The following ARHGAP25 variants were observed in gnomAD, a reference collection of about 807,000 sequenced individuals.
The protein encoded by ARHGAP25 is rho GTPase-activating protein 25.
In ARHGAP25, 34 loss-of-function variants were observed where a neutral mutation model predicts 71.0. The ratio of observed to expected loss-of-function variants is 0.48; its 90% CI spans 0.36 to 0.64. The LOEUF is 0.64. ARHGAP25 is among the 30% of genes least tolerant of loss of function. ARHGAP25 has a pLI of 0.00. For synonymous variants in ARHGAP25, 282 were observed against 296.5 expected (o/e 0.95, Z 0.50); for missense variants, 706 against 805.1 (o/e 0.88, Z 1.49).
chr2:68,804,404 C>T (rs1352336102), intron 4 of ARHGAP25, among the ~76,000 whole-genome samples: 1 of 152,206 alleles, frequency 6.6e-6, no homozygotes, highest in Non-Finnish European at 1.5e-5. Flanking sequence ...GAGAATTTTC[C>T]TGATGCTATC....
chr2:68,751,225 A>G (rs766435247), intron 1 of ARHGAP25, among the ~76,000 whole-genome samples: 7 of 152,130 alleles, frequency 4.6e-5, no homozygotes, highest in Non-Finnish European at 7.4e-5. Flanking sequence ...CACCCAGCCA[A>G]TGGGGGGTGC....
At chr2:68,725,530 C>G (rs1368694010) in intron 2 of ARHGAP25, among the ~76,000 whole-genome samples, 2 of 152,004 alleles carry the variant, frequency 1.3e-5, no homozygotes, top group African/African-American at 2.4e-5. Flanking sequence ...GGGGCCTCAA[C>G]TGTGTTGACC....
intron 1 of ARHGAP25, among the ~76,000 whole-genome samples, chr2:68,772,609 T>C (rs1677560432): frequency 6.6e-6 from 1 of 152,242 alleles, no homozygotes; most frequent in Non-Finnish European, 1.5e-5. Context: ...CTAGGACAGA[T>C]AAGAGTCCTT....
upstream of ARHGAP25, chr2:68,734,686 T>C (rs1675117959): frequency 6.5e-6 from 1 of 153,152 alleles, no homozygotes; most frequent in Non-Finnish European, 1.5e-5. Flanking sequence ...CCAAAAACCA[T>C]TTTCTCAAGA....
intron 4 of ARHGAP25, among the ~76,000 whole-genome samples, chr2:68,801,209 C>G (rs1043078278): frequency 1.1e-4 from 17 of 152,200 alleles, no homozygotes; most frequent in Non-Finnish European, 1.6e-4. Context: ...GAGAGAATAG[C>G]TTTGACGGAT....
rs547385654 is a variant in ARHGAP25, at chr2:68,724,968, G to A, written c.-18+14270G>A. Among the ~76,000 whole-genome samples, 8 of 152,250 alleles carry A rather than the reference G, an allele frequency of 5.3e-5. No individual in the cohort carries two copies. The East Asian group carries it at 1.2e-3, about 22-fold the overall frequency. On this transcript the variant is annotated intron_variant and NMD_transcript_variant, in intron 2 of 7. Transcript: ENST00000463483. ...AGCCTTTGCTGGTCTATATTGTGTT[G>A]CTTTTCTACAATTTAGAAAAACATC...
chr2:68,751,546 C>T (rs116383006), intron 1 of ARHGAP25, among the ~76,000 whole-genome samples: 41 of 152,328 alleles, frequency 2.7e-4, no homozygotes, highest in Admixed American at 1.2e-3. Flanking sequence ...CAAACGACTT[C>T]AGAATGGCTT....
At chr2:68,752,900 T>G (rs1489822164) in intron 1 of ARHGAP25, among the ~76,000 whole-genome samples, 2 of 152,112 alleles carry the variant, frequency 1.3e-5, no homozygotes, top group Non-Finnish European at 2.9e-5. Context: ...GAGAGAGAGA[T>G]ATCAGGGATT....
chr2:68,738,663 T>C (rs1054787224), intron 1 of ARHGAP25, among the ~76,000 whole-genome samples: 1 of 151,784 alleles, frequency 6.6e-6, no homozygotes, highest in Non-Finnish European at 1.5e-5. Context: ...CTGCTAAAAA[T>C]ACAAAAAATT....
chr2:68,804,157 A>G (rs1219068468), intron 4 of ARHGAP25, among the ~76,000 whole-genome samples: 4 of 152,220 alleles, frequency 2.6e-5, no homozygotes, highest in African/African-American at 9.6e-5. Flanking sequence ...AACTAGACAT[A>G]TATTAAGGTG....
At chr2:68,805,714 G>A (rs1028411324) in intron 4 of ARHGAP25, among the ~76,000 whole-genome samples, 2 of 152,112 alleles carry the variant, frequency 1.3e-5, no homozygotes, top group Non-Finnish European at 2.9e-5. Context: ...GAACATGAGG[G>A]TCAAGAGCCT....
intron 7 of ARHGAP25, 25 bp downstream of exon 7, chr2:68,816,387 T>G (rs1182289778): frequency 6.3e-7 from 1 of 1,585,756 alleles, no homozygotes; most frequent in Non-Finnish European, 8.7e-7. Context: ...GTATCAACTC[T>G]GCAGTTTTCA....
chr2:68,769,277 ATAATGT>A (rs1357780364), intron 1 of ARHGAP25, among the ~76,000 whole-genome samples: 1 of 152,116 alleles, frequency 6.6e-6, no homozygotes, highest in African/African-American at 2.4e-5. Context: ...TACTATAATA[ATAATGT>A]TAATAATAAT....
At chr2:68,718,528 T>A (rs1356710206) in intron 2 of ARHGAP25, among the ~76,000 whole-genome samples, 1 of 41,660 alleles carries the variant, frequency 2.4e-5, no homozygotes, top group African/African-American at 1.5e-4. Flanking sequence ...AAGAAATATA[T>A]AAGTGTGTGT....
intron 10 of ARHGAP25, among the ~76,000 whole-genome samples, chr2:68,824,436 T>G (rs1681943196): frequency 6.6e-6 from 1 of 152,142 alleles, no homozygotes; most frequent in Admixed American, 6.5e-5. Context: ...AAAAGTAGAT[T>G]TGTAATGAGA....
At chr2:68,725,786 G>T (rs556669096) in intron 2 of ARHGAP25, among the ~76,000 whole-genome samples, 57 of 152,030 alleles carry the variant, frequency 3.7e-4, no homozygotes, top group Admixed American at 1.5e-3. Flanking sequence ...TCCTCCTTTT[G>T]CTGTGAACAC....
At chr2:68,807,971 A>T (rs1680501714) in intron 5 of ARHGAP25, among the ~76,000 whole-genome samples, 1 of 152,162 alleles carries the variant, frequency 6.6e-6, no homozygotes, top group Non-Finnish European at 1.5e-5. Context: ...GTACTACGTG[A>T]TTCTGACTCA....
chr2:68,781,329 G>T (rs550565920), intron 2 of ARHGAP25, among the ~76,000 whole-genome samples: 2 of 152,158 alleles, frequency 1.3e-5, no homozygotes, highest in Admixed American at 6.5e-5. Flanking sequence ...GGCAGAGGTT[G>T]CAATGAGCTG....
chr2:68,793,407 G>A (rs1023618914), intron 4 of ARHGAP25, among the ~76,000 whole-genome samples: 7 of 152,202 alleles, frequency 4.6e-5, no homozygotes, highest in Admixed American at 4.6e-4. Context: ...AGGTTTTACA[G>A]TTTCAGATCT....
Sources: gnomAD v4.1 joint callset for allele counts (sites outside exome capture counted in the v4.1 genomes callset) on GRCh38, gnomAD v4.1.1 for gene constraint, MANE v1.5 for transcripts, NCBI Gene and HGNC (gene_info 2026-07-23, HGNC 2026-07-21) for gene names.